The following POLQ variants were observed in gnomAD, a reference collection of about 807,000 sequenced individuals.
POLQ encodes the protein DNA polymerase theta.
POLQ carries 233 observed loss-of-function variants against 259.2 expected under a neutral mutation model. The ratio of observed to expected loss-of-function variants is 0.90; its 90% CI spans 0.81 to 1.00. The LOEUF (loss-of-function observed/expected upper bound fraction) is 1.00, where lower values mean the gene tolerates loss of function less well. Ranked by LOEUF, POLQ falls within the 50% of genes least tolerant of loss-of-function variation. The probability of loss-of-function intolerance (pLI) is 0.00; values close to 1 mark genes in which losing one functional copy is unlikely to be tolerated. For synonymous variants in POLQ, 1,025 were observed against 1,048.8 expected, an observed-to-expected ratio of 0.98 and a Z score of 0.44; for missense variants, 2,871 against 3,051.6, an observed-to-expected ratio of 0.94 and a Z score of 1.39.
chr3:121,451,864 G>C (rs1031069677), intron 25 of POLQ, among the ~76,000 whole-genome samples: 18 of 152,308 alleles, frequency 1.2e-4, no homozygotes, highest in Admixed American at 3.9e-4. Context: ...CCTTTTGTTT[G>C]GCTATGCCCT....
intron 10 of POLQ, among the ~76,000 whole-genome samples, chr3:121,511,057 C>G (rs887481334): frequency 1.3e-5 from 2 of 152,102 alleles, no homozygotes; most frequent in African/African-American, 2.4e-5. Context: ...GAAACCCCAT[C>G]TCTACTGAAA....
Position 121,544,850 on chromosome 3 carries a change from A to G in POLQ, c.220T>C (p.Trp74Arg), listed in dbSNP as rs781745542. ...YERDKLLLAN[W>R]GLPKAVLEKY... ...TCCAGAACTGCTTTAGGAAGTCCCC[A>G]GTTTGCCAATAGTAGCTTGTCTCTT... Residue 74 changes from tryptophan to arginine, a missense_variant, in exon 2 of 30, where the codon TGG becomes CGG. Coordinates refer to ENST00000264233, the MANE Select transcript of POLQ (RefSeq NM_199420.4). 4 of 1,611,782 alleles carry G rather than the reference A, an allele frequency of 2.5e-6. No individual in the cohort carries two copies. In the Admixed American group the frequency reaches 6.7e-5, roughly 27 times the overall value.
chr3:121,467,542 C>T lies in POLQ; in HGVS notation c.6944G>A (p.Arg2315Gln), dbSNP rs759708174. 6 of 1,613,890 alleles carry T rather than the reference C, an allele frequency of 3.7e-6. No homozygotes were observed. In the East Asian group the frequency reaches 6.7e-5, roughly 18 times the overall value. Residue 2315 changes from arginine to glutamine, a missense_variant, in exon 24 of 30, where the codon CGA becomes CAA. By Grantham distance (43) the Arg-to-Gln change is conservative (BLOSUM62 1). Transcript: ENST00000264233. ...ACCTGGGAAAGGCACAAAGGCATGT[C>T]GCATGCTAATTGAAAATGGCATTCC... Reference protein sequence around the residue: ...DRGMPFSISMRHAFVPFPGGS... With the variant: ...DRGMPFSISMQHAFVPFPGGS...
At chr3:121,441,095 C>T (rs1456355848) in intron 26 of POLQ, among the ~76,000 whole-genome samples, 1 of 152,104 alleles carries the variant, frequency 6.6e-6, no homozygotes, top group East Asian at 1.9e-4. Flanking sequence ...TTCCAAAAGC[C>T]ACTGGACTCT....
chr3:121,442,514 T>G (rs1297585804), intron 26 of POLQ, among the ~76,000 whole-genome samples: 1 of 152,216 alleles, frequency 6.6e-6, no homozygotes, highest in African/African-American at 2.4e-5. Flanking sequence ...AATTTTTAGC[T>G]GAGTGACAAA....
In POLQ at chr3:121,522,132, C is replaced by G. The variant is rs1421596807; in HGVS notation, c.1126G>C (p.Glu376Gln). The change falls in exon 8 of 30, where the codon GAA (glutamate) becomes CAA (glutamine). Residue 376 changes from glutamate (E) to glutamine (Q), a missense_variant. Physicochemically the swap from Glu to Gln is conservative, Grantham distance 29. Coordinates refer to ENST00000264233, the MANE Select transcript of POLQ (RefSeq NM_199420.4). Reference sequence around the variant, plus strand: ...TGTTCCAGAATTACTGGTGGGCATTCAGAGGGTTTCACCAATCCTGTCACA... The same window carrying G: ...TGTTCCAGAATTACTGGTGGGCATTGAGAGGGTTTCACCAATCCTGTCACA... The part of the protein sequence containing the change: ...HQAEGLVKPS[E>Q]CPPVILEQKE... 1 of 1,603,376 alleles carries G rather than the reference C, an allele frequency of 6.2e-7. No homozygotes were observed. The highest frequency in any genetic ancestry group is 8.5e-7 in the Non-Finnish European group (1 of 1,177,218).
intron 20 of POLQ, among the ~76,000 whole-genome samples, chr3:121,475,030 T>G (rs1342657912): frequency 6.6e-6 from 1 of 151,224 alleles, no homozygotes; most frequent in Non-Finnish European, 1.5e-5. Context: ...CATTTGAAAT[T>G]TACTCTTAGT....
chr3:121,446,122 G>A (rs944091664), intron 26 of POLQ, among the ~76,000 whole-genome samples: 2 of 151,322 alleles, frequency 1.3e-5, no homozygotes, highest in African/African-American at 4.9e-5. Flanking sequence ...TATCCCATAG[G>A]TGTTGGTGTG....
intron 24 of POLQ, among the ~76,000 whole-genome samples, chr3:121,465,921 A>G (rs1411158171): frequency 6.6e-6 from 1 of 152,194 alleles, no homozygotes; most frequent in Admixed American, 6.5e-5. Context: ...CTCACGTTAA[A>G]CCAAAAAGCT....
At chr3:121,522,656 T>C (rs2048345881) in intron 7 of POLQ, among the ~76,000 whole-genome samples, 1 of 152,076 alleles carries the variant, frequency 6.6e-6, no homozygotes, top group Non-Finnish European at 1.5e-5. Context: ...ATCCTGGACA[T>C]TGTTATATAA....
At position 121,539,672 on chromosome 3, in the gene POLQ, CA is replaced by C; in HGVS notation, c.475-84del. Reference sequence around the variant, plus strand: ...AACTGGTTCTATCCCAGAACATAGACATAAGTATCTAAAGACATCTACCAGA... The same window carrying C: ...AACTGGTTCTATCCCAGAACATAGACTAAGTATCTAAAGACATCTACCAGA... On this transcript the variant is annotated intron_variant, in intron 3 of 29. Coordinates refer to ENST00000264233, the MANE Select transcript of POLQ (RefSeq NM_199420.4). The C allele has an allele frequency of 3.0e-6, 3 of 994,426 alleles. No homozygotes were observed. In the South Asian group the frequency reaches 4.2e-5, roughly 14 times the overall value. The allele number at this position is 994,426 out of a possible 1,614,324, so 61.6% of individuals were successfully genotyped here. A position where few individuals can be genotyped will look rare whatever the true frequency, so the allele number is the denominator to read the frequency against.
chr3:121,541,598 G>T (rs982587992), intron 2 of POLQ, 119 bp from the exon 3 acceptor site: 2 of 797,730 alleles, frequency 2.5e-6, no homozygotes, highest in Non-Finnish European at 4.0e-6. Flanking sequence ...ATCACTAAGG[G>T]CCCAATAGCA....
In POLQ at chr3:121,483,376, G is replaced by A; in HGVS notation, c.5970+10C>T. 6.8e-7 allele frequency: 1 copy of A among 1,467,258 alleles called. No homozygotes were observed. Among genetic ancestry groups the A allele is most frequent in the Non-Finnish European group, 9.1e-7 (1 of 1,098,558 alleles). The allele number at this position is 1,467,258 out of a possible 1,614,324, so 90.9% of individuals were successfully genotyped here. On this transcript the variant is annotated intron_variant, in intron 18 of 29. Coordinates refer to ENST00000264233, the MANE Select transcript of POLQ (RefSeq NM_199420.4). ...TTTTAAGTATATAAAAATTAAATTA[G>A]ACATAGAACCTTAGGATCTTCATAA...
In POLQ at chr3:121,493,616, T is replaced by C. The variant is rs1355129356; in HGVS notation, c.2384A>G (p.Asp795Gly). Residue 795 changes from aspartate to glycine, a missense_variant, in exon 15 of 30, where the codon GAC becomes GGC. Physicochemically the swap from Asp to Gly is moderately conservative, Grantham distance 94. Coordinates refer to ENST00000264233, the MANE Select transcript of POLQ (RefSeq NM_199420.4). ...ATTTAGTAAGGATACCCGAACCAGG[T>C]CACACAGCTCCCTCTGGATGCCAAA... Reference protein sequence around the residue: ...LTFGIQRELCDLVRVSLLNAQ... With the variant: ...LTFGIQRELCGLVRVSLLNAQ... 4 of 1,613,992 alleles carry C rather than the reference T, an allele frequency of 2.5e-6. No homozygotes were observed. In the African/African-American group the frequency reaches 5.3e-5, roughly 22 times the overall value.
chr3:121,515,461 C>G (rs2048287989), intron 9 of POLQ, among the ~76,000 whole-genome samples: 1 of 152,210 alleles, frequency 6.6e-6, no homozygotes, highest in Admixed American at 6.5e-5. Context: ...GGAATACACT[C>G]TGGGGCCCAG....
chr3:121,526,871 C>CTATATG lies in POLQ; in HGVS notation c.1108+2773_1108+2774insCATATA, dbSNP rs144360614. 4.6e-3 allele frequency among the ~76,000 whole-genome samples: 662 copies of CTATATG among 145,324 alleles called. 2 individuals are homozygous for CTATATG. The highest frequency in any genetic ancestry group is 9.2e-3 in the South Asian group (43 of 4,654). ...CTTCTGTGTGTGTGCGTGTGTGTCT[C>CTATATG]TGTATGTGTGTGTGTGTGTGCGCGC... On this transcript the variant is annotated intron_variant, in intron 7 of 29. Coordinates refer to ENST00000264233, the MANE Select transcript of POLQ (RefSeq NM_199420.4).
At chr3:121,499,550 C>G (rs78282350) in intron 12 of POLQ, among the ~76,000 whole-genome samples, 4 of 152,232 alleles carry the variant, frequency 2.6e-5, no homozygotes, top group African/African-American at 9.6e-5. Context: ...CCACTGCGCC[C>G]GGCCAGAACC....
chr3:121,478,506 T>C (rs1046583528), intron 19 of POLQ, among the ~76,000 whole-genome samples: 7 of 108,512 alleles, frequency 6.5e-5, no homozygotes, highest in African/African-American at 2.2e-4. Flanking sequence ...AGTAGGAAAA[T>C]AGAGAACAAG....
rs751591011 is a variant in POLQ at position 121,544,833 on chromosome 3, T to G, written c.237A>C (p.Ala79=). The change falls in exon 2 of 30, where the codon GCA becomes GCC. Residue 79 remains alanine (A), a synonymous_variant. Transcript: ENST00000264233. ...CAAAACTGTGGTATTTTTCCAGAAC[T>G]GCTTTAGGAAGTCCCCAGTTTGCCA... ...LLLANWGLPK[A]VLEKYHSFGV... 1.3e-5 allele frequency: 21 copies of G among 1,612,156 alleles called. No homozygotes were observed. The highest frequency in any genetic ancestry group is 2.7e-5 in the African/African-American group (2 of 74,922).
Sources: allele counts gnomAD v4.1 joint callset (sites outside exome capture counted in the v4.1 genomes callset), GRCh38; gene constraint gnomAD v4.1.1; transcripts MANE v1.5; gene names NCBI Gene and HGNC (gene_info 2026-07-23, HGNC 2026-07-21).